Variants in FARP2 observed in about 807,000 individuals in gnomAD.
FARP2 encodes the protein FERM, ARH/RhoGEF and pleckstrin domain protein 2.
Under a neutral mutation model 130.5 loss-of-function variants are expected in FARP2, and 111 were observed. That is an observed-to-expected ratio of 0.85 (90% CI 0.73 to 1.00). The LOEUF (loss-of-function observed/expected upper bound fraction) is 1.00, where lower values mean the gene tolerates loss of function less well. Ranked by LOEUF, FARP2 falls within the 50% of genes least tolerant of loss-of-function variation. The pLI is 0.00. For synonymous variants in FARP2, 504 were observed against 516.9 expected, an observed-to-expected ratio of 0.98 and a Z score of 0.34; for missense variants, 1,385 against 1,346.3, an observed-to-expected ratio of 1.03 and a Z score of -0.45.
In FARP2 at chr2:241,493,485, G is replaced by A. The variant is rs375374995; in HGVS notation, c.3047+41G>A. 95 of 1,595,866 alleles carry A rather than the reference G, an allele frequency of 6.0e-5. No individual in the cohort carries two copies. The Admixed American group carries it at 9.2e-4, about 15-fold the overall frequency. On this transcript the variant is annotated intron_variant, in intron 26 of 26. Transcript: ENST00000264042. ...GCAGCCCTGGTCAGCTGCCCATTTC[G>A]ATGTCCGCTCAGCTCCCATTTCTAC...
chr2:241,364,453 A>G (rs1418684950), intron 1 of FARP2, among the ~76,000 whole-genome samples: 1 of 152,228 alleles, frequency 6.6e-6, no homozygotes, highest in East Asian at 1.9e-4. Context: ...ATTACACTCA[A>G]ACTTCTAACC....
At chr2:241,381,209 C>G (rs1435753395) in intron 2 of FARP2, among the ~76,000 whole-genome samples, 1 of 152,078 alleles carries the variant, frequency 6.6e-6, no homozygotes, top group Non-Finnish European at 1.5e-5. Flanking sequence ...TAAGTAGTGC[C>G]GCTCCTGGCC....
intron 8 of FARP2, among the ~76,000 whole-genome samples, chr2:241,428,169 G>C (rs1378325729): frequency 6.7e-6 from 1 of 149,688 alleles, no homozygotes; most frequent in Non-Finnish European, 1.5e-5. Flanking sequence ...GTTTTGCTTT[G>C]TTTTTGAGAA....
chr2:241,427,120 A>T (rs1010958988), intron 8 of FARP2, among the ~76,000 whole-genome samples: 2 of 152,126 alleles, frequency 1.3e-5, no homozygotes, highest in African/African-American at 4.8e-5. Context: ...CTGTAATGCC[A>T]GCTACTCAGG....
At chr2:241,489,775 G>A (rs1425520710) in intron 21 of FARP2, 187 bp from the exon 22 acceptor site, 3 of 541,964 alleles carry the variant, frequency 5.5e-6, no homozygotes, top group Non-Finnish European at 9.9e-6. Flanking sequence ...ACCCCCTGGG[G>A]TGCAGCTGCC....
intron 4 of FARP2, among the ~76,000 whole-genome samples, chr2:241,405,964 C>T (rs1332534694): frequency 1.3e-5 from 2 of 151,604 alleles, no homozygotes; most frequent in Non-Finnish European, 2.9e-5. Flanking sequence ...AACACATTAA[C>T]TTTTTTTTAA....
At chr2:241,481,413 T>A (rs2064611880) in intron 19 of FARP2, among the ~76,000 whole-genome samples, 1 of 152,204 alleles carries the variant, frequency 6.6e-6, no homozygotes, top group South Asian at 2.1e-4. Context: ...TGCACACACA[T>A]GTTCATTGAA....
In FARP2 at chr2:241,456,787, G is replaced by A. The variant is rs746343542; in HGVS notation, c.1452G>A (p.Arg484=). The A allele has an allele frequency of 6.2e-7, 1 of 1,614,060 alleles. No homozygotes were observed. The highest frequency in any genetic ancestry group is 1.1e-5 in the South Asian group (1 of 91,080). The change falls in exon 14 of 27, where the codon CGG becomes CGA. Residue 484 remains arginine, a synonymous_variant. Transcript: ENST00000264042. ...TKSPQPSPSS[R]KSPLSLSPAF... ...GTCCTCAGCCTTCTCCCTCCAGCCG[G>A]AAGAGCCCCCTGAGTCTGAGCCCTG...
chr2:241,449,766 A>G lies in FARP2; in HGVS notation c.1412-6981A>G, dbSNP rs556544553. ...GTAATCCCAGCACTTTGGGAGGCGAAGGAGGGTGGATCACAAGGTCAGGAG... is the reference window on the plus strand; with the variant it reads ...GTAATCCCAGCACTTTGGGAGGCGAGGGAGGGTGGATCACAAGGTCAGGAG... On this transcript the variant is annotated intron_variant, in intron 13 of 26. Transcript: ENST00000264042. 7.2e-5 allele frequency among the ~76,000 whole-genome samples: 11 copies of G among 152,326 alleles called. No individual in the cohort carries two copies. In the East Asian group the frequency reaches 1.9e-3, roughly 27 times the overall value.
At chr2:241,376,025 A>C (rs924856908) in intron 2 of FARP2, among the ~76,000 whole-genome samples, 38 of 152,316 alleles carry the variant, frequency 2.5e-4, no homozygotes, top group African/African-American at 8.7e-4. Context: ...AGCTTTGTTA[A>C]GTAACAAACC....
chr2:241,493,502 C>A, intron 26 of FARP2, 58 bp downstream of exon 26: 2 of 1,538,762 alleles, frequency 1.3e-6, no homozygotes, highest in South Asian at 1.1e-5. Context: ...GCTCAGCTCC[C>A]ATTTCTACTC....
chr2:241,476,409 C>T (rs1022512400), intron 19 of FARP2, among the ~76,000 whole-genome samples: 4 of 152,058 alleles, frequency 2.6e-5, no homozygotes, highest in African/African-American at 9.7e-5. Flanking sequence ...TAAATACAGC[C>T]AGGCACAGTG....
At chr2:241,401,787 A>G (rs2062172519) in intron 2 of FARP2, among the ~76,000 whole-genome samples, 1 of 145,596 alleles carries the variant, frequency 6.9e-6, no homozygotes, top group African/African-American at 2.6e-5. Context: ...TATTTTACCA[A>G]TTCTTTTTTT....
intron 22 of FARP2, among the ~76,000 whole-genome samples, chr2:241,490,599 A>G (rs1574917096): frequency 6.6e-6 from 1 of 152,146 alleles, no homozygotes; most frequent in Non-Finnish European, 1.5e-5. Flanking sequence ...GCCAGGATGC[A>G]GGGGCCCCTG....
chr2:241,419,689 A>G (rs372330850), intron 8 of FARP2, among the ~76,000 whole-genome samples: 1 of 152,358 alleles, frequency 6.6e-6, no homozygotes, highest in African/African-American at 2.4e-5. Context: ...CGGCAAAGTC[A>G]CAGTGCAAGC....
At chr2:241,453,567 A>G (rs1473310867) in intron 13 of FARP2, among the ~76,000 whole-genome samples, 1 of 151,636 alleles carries the variant, frequency 6.6e-6, no homozygotes, top group Non-Finnish European at 1.5e-5. Flanking sequence ...GCTTGCAGTG[A>G]GCCGAGATCG....
intron 1 of FARP2, among the ~76,000 whole-genome samples, chr2:241,368,691 C>G (rs948548883): frequency 2.0e-5 from 3 of 151,994 alleles, no homozygotes; most frequent in African/African-American, 7.3e-5. Flanking sequence ...AGGCTGGTTT[C>G]AAACTGCTAT....
intron 14 of FARP2, among the ~76,000 whole-genome samples, chr2:241,461,015 C>T (rs544118711): frequency 6.9e-4 from 105 of 152,316 alleles, no homozygotes; most frequent in Admixed American, 1.1e-3. Flanking sequence ...GTCCTCTCAT[C>T]CACGAGGGTA....
At chr2:241,362,254 G>T (rs2061205164) in intron 1 of FARP2, among the ~76,000 whole-genome samples, 1 of 151,856 alleles carries the variant, frequency 6.6e-6, no homozygotes, top group African/African-American at 2.4e-5. Flanking sequence ...TAAGATGAAT[G>T]TTGGAAAACA....
Sources: allele counts gnomAD v4.1 joint callset (sites outside exome capture counted in the v4.1 genomes callset), GRCh38; gene constraint gnomAD v4.1.1; transcripts MANE v1.5; gene names NCBI Gene and HGNC (gene_info 2026-07-23, HGNC 2026-07-21).